FAM120B: variants seen among roughly 807,000 people sequenced by gnomAD.
FAM120B encodes constitutive coactivator of peroxisome proliferator-activated receptor gamma.
A neutral mutation model predicts 96.3 loss-of-function variants in FAM120B; 83 were observed. The ratio of observed to expected loss-of-function variants is 0.86; its 90% CI spans 0.72 to 1.03. FAM120B has a LOEUF of 1.03. FAM120B is among the 50% of genes least tolerant of loss of function. The pLI, the probability that FAM120B is intolerant of heterozygous loss-of-function variation, is 0.00. For synonymous variants in FAM120B, 407 were observed against 402.7 expected, an observed-to-expected ratio of 1.01 and a Z score of -0.13; for missense variants, 1,027 against 1,121.2, an observed-to-expected ratio of 0.92 and a Z score of 1.20.
intron 1 of FAM120B, among the ~76,000 whole-genome samples, chr6:170,297,033 C>G (rs1412816363): frequency 6.6e-6 from 1 of 152,208 alleles, no homozygotes; most frequent in African/African-American, 2.4e-5. Flanking sequence ...CTCAGCTTGC[C>G]GGGAGCGGGG....
Position 170,317,725 on chromosome 6 carries a change from T to TA in FAM120B, c.336dup (p.Ser113IlefsTer50). ...CGAAGGCTCAAGAACAACAGGGAGA[T>TA]ATCCAGGATTTTTCATTACATCAAG... On this transcript the variant is annotated frameshift_variant, in exon 2 of 11. Coordinates refer to ENST00000476287, the MANE Select transcript of FAM120B (RefSeq NM_032448.3). LOFTEE classifies it high-confidence loss of function. 6.2e-7 allele frequency: 1 copy of TA among 1,614,058 alleles called. No homozygotes were observed. The highest frequency in any genetic ancestry group is 8.5e-7 in the Non-Finnish European group (1 of 1,179,978).
chr6:170,396,124 G>T (rs1778147097), intron 9 of FAM120B, among the ~76,000 whole-genome samples: 1 of 152,098 alleles, frequency 6.6e-6, no homozygotes, highest in Non-Finnish European at 1.5e-5. Flanking sequence ...AGTTTTGAGA[G>T]CCAAACTTTA....
At chr6:170,403,927 C>T (rs1778706869) in intron 9 of FAM120B, among the ~76,000 whole-genome samples, 1 of 152,206 alleles carries the variant, frequency 6.6e-6, no homozygotes, top group African/African-American at 2.4e-5. Flanking sequence ...CCCAGGCTGC[C>T]CACGGCAGGA....
chr6:170,359,585 T>C (rs974205187), intron 6 of FAM120B, among the ~76,000 whole-genome samples: 1 of 151,902 alleles, frequency 6.6e-6, no homozygotes, highest in African/African-American at 2.4e-5. Context: ...CTAATTTATA[T>C]GTGTGTGTGT....
chr6:170,404,231 G>GGA, intron 9 of FAM120B: 1 of 285,972 alleles, frequency 3.5e-6, no homozygotes, highest in Admixed American at 5.1e-5. Flanking sequence ...TGAGCCATCT[G>GGA]CATGTGAATT....
chr6:170,312,538 C>G (rs768338386), intron 1 of FAM120B, among the ~76,000 whole-genome samples: 1 of 152,084 alleles, frequency 6.6e-6, no homozygotes, highest in Non-Finnish European at 1.5e-5. Flanking sequence ...TGGAACTTTT[C>G]GTTTTATCAA....
intron 4 of FAM120B, among the ~76,000 whole-genome samples, chr6:170,341,435 A>G (rs368222267): frequency 1.6e-4 from 24 of 152,260 alleles, no homozygotes; most frequent in African/African-American, 5.3e-4. Context: ...GCTGGGCTCC[A>G]TGAGAATGGG....
chr6:170,341,934 C>T (rs1258340417), intron 4 of FAM120B, among the ~76,000 whole-genome samples: 1 of 152,198 alleles, frequency 6.6e-6, no homozygotes, highest in Non-Finnish European at 1.5e-5. Context: ...GGCCATCTTG[C>T]CAGATCTCCA....
At chr6:170,332,426 G>A (rs1033219712) in intron 4 of FAM120B, among the ~76,000 whole-genome samples, 1 of 152,152 alleles carries the variant, frequency 6.6e-6, no homozygotes, top group African/African-American at 2.4e-5. Context: ...GGTGGGGTTG[G>A]GGGGCTCACG....
chr6:170,336,859 T>C (rs1240044170), intron 4 of FAM120B, among the ~76,000 whole-genome samples: 1 of 152,214 alleles, frequency 6.6e-6, no homozygotes, highest in African/African-American at 2.4e-5. Context: ...ATAGGAATGC[T>C]TGTGATTTTT....
intron 5 of FAM120B, among the ~76,000 whole-genome samples, 169 bp from the exon 6 acceptor site, chr6:170,358,057 C>T (rs900887501): frequency 1.3e-5 from 2 of 151,956 alleles, no homozygotes; most frequent in East Asian, 1.9e-4. Context: ...TGTGTGTGCA[C>T]CTCTGTGTGC....
intron 5 of FAM120B, 90 bp from the exon 6 acceptor site, chr6:170,358,136 A>T: frequency 8.7e-7 from 1 of 1,144,486 alleles, no homozygotes; most frequent in Non-Finnish European, 1.3e-6. Flanking sequence ...GCGCCTATAC[A>T]CACACTCATA....
chr6:170,393,164 A>AG, intron 8 of FAM120B, among the ~76,000 whole-genome samples: 1 of 151,610 alleles, frequency 6.6e-6, no homozygotes, highest in Non-Finnish European at 1.5e-5. Context: ...AAAAAAAAAA[A>AG]AAGTCTGCAC....
chr6:170,394,313 G>A (rs1453698273), intron 8 of FAM120B, among the ~76,000 whole-genome samples: 1 of 152,238 alleles, frequency 6.6e-6, no homozygotes, highest in Non-Finnish European at 1.5e-5. Flanking sequence ...ATACTGGGGA[G>A]GTTTTGAAGT....
intron 6 of FAM120B, among the ~76,000 whole-genome samples, chr6:170,381,124 T>C (rs1789874832): frequency 6.6e-6 from 1 of 152,234 alleles, no homozygotes; most frequent in Non-Finnish European, 1.5e-5. Flanking sequence ...GAGGTCAGCT[T>C]GGCATTAGGA....
At chr6:170,395,026 A>G (rs1248419037) in intron 8 of FAM120B, among the ~76,000 whole-genome samples, 6 of 152,238 alleles carry the variant, frequency 3.9e-5, no homozygotes, top group Non-Finnish European at 8.8e-5. Flanking sequence ...GGTGTCATGG[A>G]CTGGGAAGTT....
Position 170,405,115 on chromosome 6 carries a change from G to A in FAM120B, c.*364G>A, listed in dbSNP as rs897745875. The A allele has an allele frequency of 3.2e-5, 5 of 155,724 alleles. No individual in the cohort carries two copies. Among genetic ancestry groups the A allele is most frequent in the Non-Finnish European group, 7.1e-5 (5 of 70,486 alleles). 9.6% of individuals were successfully genotyped at this position (155,724 alleles called of 1,614,324 possible). On this transcript the variant is annotated 3_prime_UTR_variant, in exon 11 of 11. Transcript: ENST00000476287. ...TATTAGCAACACTAGATTATGAGGG[G>A]TTATCTCCTGTTATTAAAAAGTCAG...
At chr6:170,326,827 C>T (rs1306123716) in intron 3 of FAM120B, among the ~76,000 whole-genome samples, 3 of 152,174 alleles carry the variant, frequency 2.0e-5, no homozygotes, top group Non-Finnish European at 4.4e-5. Context: ...CAGCCTTCAA[C>T]TCCAAGGCTG....
chr6:170,386,899 C>A (rs1790217950), intron 6 of FAM120B, among the ~76,000 whole-genome samples: 1 of 152,056 alleles, frequency 6.6e-6, no homozygotes, highest in African/African-American at 2.4e-5. Flanking sequence ...TACATGATGA[C>A]CAAGTTGGGT....
Sources: gnomAD v4.1 joint callset for allele counts (sites outside exome capture counted in the v4.1 genomes callset) on GRCh38, gnomAD v4.1.1 for gene constraint, MANE v1.5 for transcripts, NCBI Gene and HGNC (gene_info 2026-07-23, HGNC 2026-07-21) for gene names.